The following RAB3GAP2 variants were observed in gnomAD, a reference collection of about 807,000 sequenced individuals.
The protein encoded by RAB3GAP2 is RAB3 GTPase activating non-catalytic protein subunit 2.
RAB3GAP2 carries 87 observed loss-of-function variants against 185.3 expected under a neutral mutation model. The observed-to-expected ratio is 0.47, with a 90% CI of 0.39 to 0.56. RAB3GAP2 has a LOEUF of 0.56. RAB3GAP2 is among the 20% of genes least tolerant of loss of function. The pLI is 0.00. For synonymous variants in RAB3GAP2, 554 were observed against 576.1 expected, an observed-to-expected ratio of 0.96 and a Z score of 0.55; for missense variants, 1,492 against 1,638.2, an observed-to-expected ratio of 0.91 and a Z score of 1.54.
chr1:220,154,742 A>C (rs1657826260), intron 31 of RAB3GAP2, among the ~76,000 whole-genome samples: 1 of 132,390 alleles, frequency 7.6e-6, no homozygotes, highest in African/African-American at 2.9e-5. Flanking sequence ...TTTTTTTGAG[A>C]CAGAGTCTCA....
At chr1:220,259,504 T>A (rs911305003) in intron 1 of RAB3GAP2, among the ~76,000 whole-genome samples, 1 of 151,680 alleles carries the variant, frequency 6.6e-6, no homozygotes, top group African/African-American at 2.4e-5. Flanking sequence ...TTAATAAATT[T>A]AATAAATTTA....
At chr1:220,254,045 A>C in intron 1 of RAB3GAP2, 1 of 1,613,980 alleles carries the variant, frequency 6.2e-7, no homozygotes, top group Non-Finnish European at 8.5e-7. Flanking sequence ...GTTAAAGTAA[A>C]GATTCCTGAA....
At chr1:220,200,375 T>C (rs1658826245) in intron 9 of RAB3GAP2, among the ~76,000 whole-genome samples, 2 of 152,224 alleles carry the variant, frequency 1.3e-5, no homozygotes, top group African/African-American at 4.8e-5. Flanking sequence ...TTGATATTCA[T>C]TTAGTTTATT....
intron 32 of RAB3GAP2, chr1:220,153,746 C>T (rs537406824): frequency 1.8e-5 from 9 of 499,476 alleles, no homozygotes; most frequent in East Asian, 1.3e-4. Context: ...TGCTATCCCT[C>T]CCCCTTCCCC....
chr1:220,206,093 A>G, intron 7 of RAB3GAP2, 87 bp from the exon 8 acceptor site: 1 of 860,622 alleles, frequency 1.2e-6, no homozygotes. Context: ...GAATAATGTA[A>G]CATAACCACC....
In RAB3GAP2 at chr1:220,232,733, T is replaced by C. The variant is rs534285806; in HGVS notation, c.180+66A>G. On this transcript the variant is annotated intron_variant, in intron 2 of 34. Transcript: ENST00000358951. The stretch of plus-strand genomic sequence containing the variant: ...AAAATGTCAGCTTGACAGGGAAATA[T>C]GTCACCATCATTACAAAAGGAAAAT... 1.6e-4 allele frequency: 215 copies of C among 1,357,258 alleles called. 1 individual carries two copies. In the South Asian group the frequency reaches 2.2e-3, roughly 14 times the overall value. The allele number at this position is 1,357,258 out of a possible 1,614,324, so 84.1% of individuals were successfully genotyped here.
At chr1:220,260,876 A>G (rs999490925) in intron 1 of RAB3GAP2, among the ~76,000 whole-genome samples, 39 of 152,186 alleles carry the variant, frequency 2.6e-4, no homozygotes, top group Non-Finnish European at 4.9e-4. Context: ...TGGCTTGAAC[A>G]CTTCAAATGT....
intron 1 of RAB3GAP2, among the ~76,000 whole-genome samples, chr1:220,265,179 T>C (rs1269742403): frequency 1.3e-5 from 2 of 152,096 alleles, no homozygotes; most frequent in African/African-American, 2.4e-5. Context: ...TTTTACTACA[T>C]ATAAAAAATA....
intron 7 of RAB3GAP2, chr1:220,207,478 A>G (rs536325908): frequency 1.3e-5 from 2 of 152,342 alleles, no homozygotes; most frequent in South Asian, 4.1e-4. Flanking sequence ...TTCTCTTGAA[A>G]TCTGCTTTGC....
In RAB3GAP2 at chr1:220,272,388, C is replaced by T; in HGVS notation, c.-51G>A. ...CTCACCTTACCTCACCACGCCCTGC[C>T]CCCTCCACCCCACTGCGGCCGCCAC... On this transcript the variant is annotated 5_prime_UTR_variant, in exon 1 of 35. Coordinates refer to ENST00000358951, the MANE Select transcript of RAB3GAP2 (RefSeq NM_012414.4). 7.5e-7 allele frequency: 1 copy of T among 1,338,624 alleles called. No homozygotes were observed. The highest frequency in any genetic ancestry group is 1.1e-6 in the Non-Finnish European group (1 of 947,296). 82.9% of individuals were successfully genotyped at this position (1,338,624 alleles called of 1,614,324 possible). A position where few individuals can be genotyped will look rare whatever the true frequency, so the allele number is the denominator to read the frequency against.
intron 14 of RAB3GAP2, 35 bp downstream of exon 14, chr1:220,191,033 T>G: frequency 6.4e-7 from 1 of 1,551,592 alleles, no homozygotes; most frequent in Non-Finnish European, 8.9e-7. Flanking sequence ...ATATTTCATT[T>G]TGTAACCAGC....
chr1:220,157,471 ATCCC>A lies in RAB3GAP2; in HGVS notation c.3350_3353del (p.Arg1117MetfsTer23). The A allele has an allele frequency of 5.0e-6, 8 of 1,612,796 alleles. No individual in the cohort carries two copies. Among genetic ancestry groups the A allele is most frequent in the Non-Finnish European group, 6.8e-6 (8 of 1,179,384 alleles). On this transcript the variant is annotated frameshift_variant, in exon 31 of 35. Coordinates refer to ENST00000358951, the MANE Select transcript of RAB3GAP2 (RefSeq NM_012414.4). LOFTEE classifies it high-confidence loss of function. Reference sequence around the variant, plus strand: ...TATCCAGCACAGGCACCTGTATTTCATCCCTGCTAACATCTGCCTAAGGGTTTTG... The same window carrying A: ...TATCCAGCACAGGCACCTGTATTTCATGCTAACATCTGCCTAAGGGTTTTG...
chr1:220,196,077 G>A lies in RAB3GAP2; in HGVS notation c.960+173C>T. On this transcript the variant is annotated intron_variant, in intron 10 of 34. Coordinates refer to ENST00000358951, the MANE Select transcript of RAB3GAP2 (RefSeq NM_012414.4). ...TTATACTGATGGTAGTACCTTTTCA[G>A]TTAATCTAAAGAATTTAGAAGAAAG... 15 of 728,806 alleles carry A rather than the reference G, an allele frequency of 2.1e-5. No homozygotes were observed. The South Asian group carries it at 2.8e-4, about 14-fold the overall frequency. The allele number at this position is 728,806 out of a possible 1,614,324, so 45.1% of individuals were successfully genotyped here.
chr1:220,173,123 G>A (rs1217618661), intron 21 of RAB3GAP2, among the ~76,000 whole-genome samples: 1 of 152,218 alleles, frequency 6.6e-6, no homozygotes, highest in African/African-American at 2.4e-5. Flanking sequence ...GGTAGGATCT[G>A]TAGCTGTGGA....
intron 9 of RAB3GAP2, among the ~76,000 whole-genome samples, chr1:220,199,108 A>G (rs1658791572): frequency 6.6e-6 from 1 of 152,178 alleles, no homozygotes. Context: ...ACCATAAGCC[A>G]GATAAAGTTG....
intron 17 of RAB3GAP2, among the ~76,000 whole-genome samples, chr1:220,187,858 T>C (rs1171516984): frequency 6.6e-6 from 1 of 152,010 alleles, no homozygotes; most frequent in African/African-American, 2.4e-5. Context: ...TCTAGCAAAT[T>C]CATCAACCGC....
intron 2 of RAB3GAP2, among the ~76,000 whole-genome samples, chr1:220,230,106 A>T (rs926297227): frequency 6.6e-6 from 1 of 152,146 alleles, no homozygotes; most frequent in African/African-American, 2.4e-5. Context: ...TTCTTGCCAT[A>T]GCGAATTAAA....
intron 12 of RAB3GAP2, among the ~76,000 whole-genome samples, chr1:220,194,480 C>T (rs1382317947): frequency 6.6e-6 from 1 of 152,062 alleles, no homozygotes; most frequent in Non-Finnish European, 1.5e-5. Context: ...GCAACCTCTG[C>T]CTCCCGGGTT....
chr1:220,231,528 T>TA lies in RAB3GAP2; in HGVS notation c.180+1270dup, dbSNP rs146173963. On this transcript the variant is annotated intron_variant, in intron 2 of 34. Coordinates refer to ENST00000358951, the MANE Select transcript of RAB3GAP2 (RefSeq NM_012414.4). ...CTATCTAATATTCATTCTTCTTTCT[T>TA]AAAAAAAAAATCCTGATTTTGTTCA... Among the ~76,000 whole-genome samples the TA allele has an allele frequency of 0.021, 3,152 of 150,786 alleles. 161 individuals carry two copies. The East Asian group carries it at 0.21, about 10-fold the overall frequency.
Sources: gnomAD v4.1 joint callset for allele counts (sites outside exome capture counted in the v4.1 genomes callset) on GRCh38, gnomAD v4.1.1 for gene constraint, MANE v1.5 for transcripts, NCBI Gene and HGNC (gene_info 2026-07-23, HGNC 2026-07-21) for gene names.